MROH9: variants seen among roughly 807,000 people sequenced by gnomAD.
MROH9 encodes maestro heat-like repeat-containing protein family member 9.
In MROH9, 92 loss-of-function variants were observed where a neutral mutation model predicts 98.2. The ratio of observed to expected loss-of-function variants is 0.94; its 90% CI spans 0.79 to 1.11. The LOEUF (loss-of-function observed/expected upper bound fraction) is 1.11, where lower values mean the gene tolerates loss of function less well. Ranked by LOEUF, MROH9 falls within the 50% of genes most tolerant of loss-of-function variation. The pLI is 0.00. For synonymous variants in MROH9, 397 were observed against 368.9 expected, an observed-to-expected ratio of 1.08 and a Z score of -0.87; for missense variants, 1,057 against 1,014.8, an observed-to-expected ratio of 1.04 and a Z score of -0.57.
chr1:170,972,784 C>T lies in MROH9; in HGVS notation c.616+901C>T, dbSNP rs540776885. Among the ~76,000 whole-genome samples, 15 of 143,488 alleles carry T rather than the reference C, an allele frequency of 1.0e-4. No homozygotes were observed. The South Asian group carries it at 3.1e-3, about 30-fold the overall frequency. The allele number at this position is 143,488 out of a possible 152,430, so 94.1% of individuals were successfully genotyped here. A position where few individuals can be genotyped will look rare whatever the true frequency, so the allele number is the denominator to read the frequency against. ...CCGAGATCATGCCACTGCACTCCAG[C>T]GTGGGTGACAGAGCAAGACTCCGCC... is the stretch of plus-strand genomic sequence containing the variant. On this transcript the variant is annotated intron_variant, in intron 8 of 21. Coordinates refer to ENST00000367759, the MANE Select transcript of MROH9 (RefSeq NM_001163629.2).
intron 15 of MROH9, among the ~76,000 whole-genome samples, chr1:171,000,063 A>G (rs1651736626): frequency 6.6e-6 from 1 of 151,912 alleles, no homozygotes; most frequent in South Asian, 2.1e-4. Flanking sequence ...GTTTGAGTTC[A>G]TTGTAGACCC....
intron 20 of MROH9, among the ~76,000 whole-genome samples, chr1:171,061,281 T>C (rs180731064): frequency 6.6e-6 from 1 of 152,132 alleles, no homozygotes; most frequent in East Asian, 1.9e-4. Context: ...GGAGTGAAAA[T>C]TGGTACAGCC....
At chr1:171,009,609 G>A (rs4259722) in intron 15 of MROH9, among the ~76,000 whole-genome samples, 42,602 of 152,094 alleles carry the variant, frequency 0.28, 8,063 homozygotes, top group African/African-American at 0.54. Flanking sequence ...TATCAACATT[G>A]TAAGTATAAA....
chr1:170,958,434 T>TTG, intron 3 of MROH9, 27 bp from the exon 4 acceptor site: 5 of 1,368,934 alleles, frequency 3.7e-6, no homozygotes, highest in Non-Finnish European at 5.1e-6. Flanking sequence ...TTCTTCTTTT[T>TTG]TTTTTTTTTT....
chr1:171,048,548 C>A (rs1419054014), intron 20 of MROH9, among the ~76,000 whole-genome samples: 1 of 152,158 alleles, frequency 6.6e-6, no homozygotes, highest in Admixed American at 6.5e-5. Flanking sequence ...AGGACAGTGG[C>A]TTCCCCTTGG....
intron 3 of MROH9, among the ~76,000 whole-genome samples, chr1:170,947,798 TA>T (rs1169224403): frequency 2.6e-5 from 4 of 151,960 alleles, no homozygotes; most frequent in Admixed American, 6.6e-5. Flanking sequence ...CCTTCAGCAC[TA>T]ATTTAAAAGG....
In MROH9 at chr1:170,971,817, C is replaced by T. The variant is rs200626752; in HGVS notation, c.550C>T (p.Pro184Ser). The T allele has an allele frequency of 8.4e-5, 136 of 1,614,000 alleles. No homozygotes were observed. The South Asian group carries it at 1.4e-3, about 17-fold the overall frequency. The change falls in exon 8 of 22, where the codon CCC becomes TCC. Residue 184 changes from proline to serine, a missense_variant. By Grantham distance (74) the Pro-to-Ser change is moderately conservative (BLOSUM62 -1). Transcript: ENST00000367759. ...ELSLLCSHED[P>S]SIVKQASLGM... ...GTCTCTTTTGTGTTCCCATGAAGAT[C>T]CCTCGATTGTAAAACAAGCATCATT...
chr1:171,059,668 G>A (rs928867325), intron 20 of MROH9, among the ~76,000 whole-genome samples: 2 of 152,148 alleles, frequency 1.3e-5, no homozygotes, highest in Middle Eastern at 3.2e-3. Context: ...AGAAAATGTG[G>A]CACATATATA....
intron 6 of MROH9, 48 bp from the exon 7 acceptor site, chr1:170,965,103 G>GA (rs1488354810): frequency 7.1e-7 from 1 of 1,401,034 alleles, no homozygotes; most frequent in East Asian, 2.3e-5. Flanking sequence ...AAGGTTCTTG[G>GA]AAAATGGAAA....
At position 170,971,882 on chromosome 1, in the gene MROH9, C is replaced by T. The variant is rs199761702; in HGVS notation, c.615C>T (p.Asn205=). 436 of 1,613,648 alleles carry T rather than the reference C, an allele frequency of 2.7e-4. No individual in the cohort carries two copies. The highest frequency in any genetic ancestry group is 3.4e-4 in the Non-Finnish European group (405 of 1,179,716). Residue 205 remains asparagine, a splice_region_variant and synonymous_variant, in exon 8 of 22, where the codon AAC becomes AAT. Coordinates refer to ENST00000367759, the MANE Select transcript of MROH9 (RefSeq NM_001163629.2). ...CHLLYIARCQ[N]DIGTNKPTNG... ...TCCTCTACATTGCACGGTGTCAGAACGGTAAGAACAGTTCACCATCTTTTC... is the reference window on the plus strand; with the variant it reads ...TCCTCTACATTGCACGGTGTCAGAATGGTAAGAACAGTTCACCATCTTTTC...
chr1:170,961,272 A>G (rs1024091046), intron 5 of MROH9, among the ~76,000 whole-genome samples: 1 of 152,256 alleles, frequency 6.6e-6, no homozygotes, highest in African/African-American at 2.4e-5. Flanking sequence ...AAGATAATCT[A>G]TAAACAGCTA....
chr1:171,049,501 T>C (rs1002432673), intron 20 of MROH9, among the ~76,000 whole-genome samples: 2 of 152,034 alleles, frequency 1.3e-5, no homozygotes, highest in Non-Finnish European at 2.9e-5. Context: ...AGGGAACATT[T>C]AAACCAACCC....
intron 7 of MROH9, among the ~76,000 whole-genome samples, chr1:170,968,943 G>A (rs1390213458): frequency 6.6e-6 from 1 of 151,972 alleles, no homozygotes; most frequent in Non-Finnish European, 1.5e-5. Flanking sequence ...TATAAACCCA[G>A]CACAGGAAAA....
chr1:171,060,219 T>C (rs979495627), intron 20 of MROH9, among the ~76,000 whole-genome samples: 3 of 151,962 alleles, frequency 2.0e-5, no homozygotes, highest in Admixed American at 6.6e-5. Context: ...TACCTTAAAA[T>C]AAAACTAAGA....
Position 170,947,567 on chromosome 1 carries a change from C to T in MROH9, c.66C>T (p.His22=). The T allele has an allele frequency of 6.2e-7, 1 of 1,609,860 alleles. No individual in the cohort carries two copies. Among genetic ancestry groups the T allele is most frequent in the East Asian group, 2.2e-5 (1 of 44,784 alleles). Residue 22 remains histidine, a synonymous_variant, in exon 3 of 22, where the codon CAC becomes CAT. Transcript: ENST00000367759. ...LQILQDSVKW[H]HMAHKVNSLL... is the part of the protein sequence containing the mutation. ...TTCTGCAAGACAGTGTGAAATGGCA[C>T]CACATGGTAAGTGATATTCTATAAG...
At chr1:170,973,641 C>T (rs771086636) in intron 8 of MROH9, among the ~76,000 whole-genome samples, 2 of 152,104 alleles carry the variant, frequency 1.3e-5, no homozygotes, top group South Asian at 2.1e-4. Context: ...TTTTGGAGGC[C>T]GAGGCGGGCA....
intron 12 of MROH9, among the ~76,000 whole-genome samples, chr1:170,993,107 A>G (rs1308493813): frequency 6.6e-6 from 1 of 152,206 alleles, no homozygotes; most frequent in Non-Finnish European, 1.5e-5. Flanking sequence ...AAATTCCAAA[A>G]TATCAAAATC....
chr1:170,955,843 G>C (rs1649738498), intron 3 of MROH9, among the ~76,000 whole-genome samples: 1 of 152,078 alleles, frequency 6.6e-6, no homozygotes, highest in Non-Finnish European at 1.5e-5. Context: ...ATTTATCTTT[G>C]TTTTTATTGC....
Position 171,024,498 on chromosome 1 carries a change from T to G in MROH9, c.2012T>G (p.Leu671Trp). Residue 671 changes from leucine (L) to tryptophan (W), a missense_variant, in exon 18 of 22, where the codon TTG (leucine) becomes TGG (tryptophan). By Grantham distance (61) the Leu-to-Trp change is moderately conservative (BLOSUM62 -2). Coordinates refer to ENST00000367759, the MANE Select transcript of MROH9 (RefSeq NM_001163629.2). ...WMVNDVVLEG[L>W]VPLILFLEDD... is the part of the protein sequence containing the mutation. Reference sequence around the variant, plus strand: ...GTGAATGATGTGGTTCTAGAAGGCTTGGTGCCCCTAATCCTATTTTTGGAG... The same window carrying G: ...GTGAATGATGTGGTTCTAGAAGGCTGGGTGCCCCTAATCCTATTTTTGGAG... 6.5e-7 allele frequency: 1 copy of G among 1,546,914 alleles called. No individual in the cohort carries two copies. The highest frequency in any genetic ancestry group is 8.7e-7 in the Non-Finnish European group (1 of 1,145,428).
Sources: gnomAD v4.1 joint callset for allele counts (sites outside exome capture counted in the v4.1 genomes callset) on GRCh38, gnomAD v4.1.1 for gene constraint, MANE v1.5 for transcripts, NCBI Gene and HGNC (gene_info 2026-07-23, HGNC 2026-07-21) for gene names.